The following ARHGEF37 variants were observed in gnomAD, a reference collection of about 807,000 sequenced individuals.
The protein encoded by ARHGEF37 is Rho guanine nucleotide exchange factor (GEF) 37.
A neutral mutation model predicts 71.1 loss-of-function variants in ARHGEF37; 55 were observed. The ratio of observed to expected loss-of-function variants is 0.77; its 90% CI spans 0.62 to 0.97. ARHGEF37 has a LOEUF of 0.97. Ranked by LOEUF, ARHGEF37 falls within the 50% of genes least tolerant of loss-of-function variation. ARHGEF37 has a pLI of 0.00. For synonymous variants in ARHGEF37, 327 were observed against 350.6 expected, an observed-to-expected ratio of 0.93 and a Z score of 0.75; for missense variants, 765 against 836.8, an observed-to-expected ratio of 0.91 and a Z score of 1.06.
chr5:149,625,158 G>A (rs1189924192), intron 10 of ARHGEF37, among the ~76,000 whole-genome samples: 1 of 152,116 alleles, frequency 6.6e-6, no homozygotes, highest in Non-Finnish European at 1.5e-5. Context: ...ACCCGCCTCA[G>A]CCTCCCAAAG....
chr5:149,621,378 C>G (rs28547951), intron 8 of ARHGEF37, among the ~76,000 whole-genome samples: 1 of 151,628 alleles, frequency 6.6e-6, no homozygotes, highest in East Asian at 1.9e-4. Context: ...AGGTAGGCTG[C>G]GGTGAGCTGT....
At chr5:149,597,096 G>C (rs896509022) in intron 1 of ARHGEF37, among the ~76,000 whole-genome samples, 1 of 152,178 alleles carries the variant, frequency 6.6e-6, no homozygotes, top group East Asian at 1.9e-4. Context: ...TGGGGTAGCT[G>C]GTGGGATGGG....
chr5:149,612,470 A>G (rs1159889033), intron 4 of ARHGEF37, among the ~76,000 whole-genome samples: 1 of 152,150 alleles, frequency 6.6e-6, no homozygotes, highest in African/African-American at 2.4e-5. Flanking sequence ...CCTGGCCTAA[A>G]CCTGACTTTC....
chr5:149,570,140 A>G (rs1422190157), intron 1 of ARHGEF37, among the ~76,000 whole-genome samples: 2 of 152,232 alleles, frequency 1.3e-5, no homozygotes, highest in Admixed American at 6.5e-5. Flanking sequence ...GATTTTGTAC[A>G]TAGGAAATCA....
intron 7 of ARHGEF37, among the ~76,000 whole-genome samples, chr5:149,619,710 A>G: frequency 6.6e-6 from 1 of 152,196 alleles, no homozygotes; most frequent in East Asian, 1.9e-4. Context: ...TTTTTAATGC[A>G]TTGATGTAAA....
intron 11 of ARHGEF37, among the ~76,000 whole-genome samples, chr5:149,628,474 G>T (rs1480691369): frequency 6.6e-6 from 1 of 152,186 alleles, no homozygotes; most frequent in East Asian, 1.9e-4. Flanking sequence ...AGCAGCTCTT[G>T]CTCTGGGCAG....
intron 1 of ARHGEF37, among the ~76,000 whole-genome samples, chr5:149,586,416 G>T (rs1220030805): frequency 6.6e-6 from 1 of 151,890 alleles, no homozygotes; most frequent in African/African-American, 2.4e-5. Flanking sequence ...GCACCACCAT[G>T]CCTGGCTAAT....
intron 1 of ARHGEF37, among the ~76,000 whole-genome samples, chr5:149,593,922 A>G (rs928804910): frequency 5.3e-5 from 8 of 152,174 alleles, no homozygotes; most frequent in East Asian, 1.9e-4. Flanking sequence ...TCAAGGGTCA[A>G]TTGTACTTCA....
intron 2 of ARHGEF37, among the ~76,000 whole-genome samples, chr5:149,600,274 A>G (rs934713513): frequency 2.6e-5 from 4 of 152,216 alleles, no homozygotes; most frequent in African/African-American, 9.6e-5. Flanking sequence ...GCGTGACTGT[A>G]TATGTTGTTA....
intron 1 of ARHGEF37, among the ~76,000 whole-genome samples, chr5:149,583,119 C>T (rs1292854864): frequency 1.3e-5 from 2 of 152,082 alleles, no homozygotes; most frequent in South Asian, 2.1e-4. Context: ...GTCAACACCC[C>T]GTTTTTTTGT....
upstream of ARHGEF37, among the ~76,000 whole-genome samples, chr5:149,580,171 C>T (rs943369908): frequency 6.6e-6 from 1 of 152,092 alleles, no homozygotes; most frequent in African/African-American, 2.4e-5. Context: ...AGTGATTCTC[C>T]TGCCTCAGCC....
Position 149,621,943 on chromosome 5 carries a change from C to T in ARHGEF37, c.1216C>T (p.Leu406Phe), listed in dbSNP as rs748950639. The T allele has an allele frequency of 2.5e-6, 4 of 1,614,266 alleles. No homozygotes were observed. Among genetic ancestry groups the T allele is most frequent in the Non-Finnish European group, 3.4e-6 (4 of 1,180,052 alleles). The change falls in exon 9 of 13, where the codon CTC becomes TTC. Residue 406 changes from leucine (L) to phenylalanine (F), a missense_variant. Physicochemically the swap from Leu to Phe is conservative, Grantham distance 22 (BLOSUM62 0). Around this residue, in one of 5 missense-constraint regions of ARHGEF37, gnomAD observed 390 missense variants for 407.4 expected, o/e 0.96. Transcript: ENST00000333677. ...ACTCAACTCGCTGCTAGTGGCTGAG[C>T]TCCCACAGTTTAACCAGCTGGTCAT... is the stretch of plus-strand genomic sequence containing the variant. ...QALNSLLVAE[L>F]PQFNQLVMQW...
At chr5:149,597,523 T>C (rs1453096758) in intron 1 of ARHGEF37, among the ~76,000 whole-genome samples, 1 of 152,172 alleles carries the variant, frequency 6.6e-6, no homozygotes, top group Non-Finnish European at 1.5e-5. Context: ...CCTCCCAAAG[T>C]GCTGGGATTA....
At position 149,569,300 on chromosome 5, in the gene ARHGEF37, TTTTATTTA is replaced by T. The variant is rs553307248; in HGVS notation, c.-12+17197_-12+17204del. On this transcript the variant is annotated intron_variant, in intron 1 of 2. Transcript: ENST00000505810. ...CCTAGTAAGAGAAGTTTCTGTTTAT[TTTTATTTA>T]TTTATTTATTTATTTATTTTTATTT... Among the ~76,000 whole-genome samples the T allele has an allele frequency of 3.1e-3, 467 of 151,672 alleles. 2 individuals carry two copies. Among genetic ancestry groups the T allele is most frequent in the African/African-American group, 0.011 (459 of 41,370 alleles).
upstream of ARHGEF37, among the ~76,000 whole-genome samples, chr5:149,576,995 A>G (rs1763035336): frequency 6.6e-6 from 1 of 152,190 alleles, no homozygotes; most frequent in Non-Finnish European, 1.5e-5. Flanking sequence ...AGAAGAAATA[A>G]TTCTCAAAAC....
intron 1 of ARHGEF37, among the ~76,000 whole-genome samples, chr5:149,568,123 T>C (rs1762919291): frequency 6.6e-6 from 1 of 152,078 alleles, no homozygotes; most frequent in East Asian, 1.9e-4. Flanking sequence ...ATGGTTCCAG[T>C]TATCCTCCCA....
intron 4 of ARHGEF37, among the ~76,000 whole-genome samples, chr5:149,611,717 C>T (rs766434377): frequency 7.9e-5 from 12 of 152,202 alleles, no homozygotes; most frequent in Non-Finnish European, 1.2e-4. Flanking sequence ...ATGAATCTCA[C>T]GTATTATAGT....
At chr5:149,596,782 G>A (rs1041455734) in intron 1 of ARHGEF37, among the ~76,000 whole-genome samples, 1 of 152,196 alleles carries the variant, frequency 6.6e-6, no homozygotes, top group Non-Finnish European at 1.5e-5. Context: ...GCCAATGCAA[G>A]TATGGAGAAG....
upstream of ARHGEF37, among the ~76,000 whole-genome samples, chr5:149,579,361 G>A (rs1052655104): frequency 6.6e-6 from 1 of 152,100 alleles, no homozygotes; most frequent in Non-Finnish European, 1.5e-5. Context: ...CTTCCCGGCT[G>A]ACTTTGGACA....
Sources: allele counts gnomAD v4.1 joint callset (sites outside exome capture counted in the v4.1 genomes callset), GRCh38; gene constraint gnomAD v4.1.1; regional missense constraint gnomAD v4.1.1; transcripts MANE v1.5; gene names NCBI Gene and HGNC (gene_info 2026-07-23, HGNC 2026-07-21).